Variants in PSMD12 observed in about 807,000 individuals in gnomAD.
PSMD12 encodes proteasome 26S subunit, non-ATPase 12.
In PSMD12, 8 loss-of-function variants were observed where a neutral mutation model predicts 62.9. The observed-to-expected ratio is 0.13, with a 90% CI of 0.07 to 0.23. The LOEUF (loss-of-function observed/expected upper bound fraction) is 0.23, where lower values mean the gene tolerates loss of function less well. Among genes scored for constraint, PSMD12 ranks in the 10% least tolerant of loss-of-function variants. PSMD12 has a pLI of 1.00. For synonymous variants in PSMD12, 173 were observed against 187.4 expected (o/e 0.92, Z 0.63); for missense variants, 424 against 550.2 (o/e 0.77, Z 2.29).
At chr17:67,348,450 G>A (rs1303723291) in intron 5 of PSMD12, 100 bp downstream of exon 5, 1 of 937,802 alleles carries the variant, frequency 1.1e-6, no homozygotes. Flanking sequence ...ATAATTATTG[G>A]TCCCAAACAT....
intron 1 of PSMD12, among the ~76,000 whole-genome samples, chr17:67,360,016 T>C (rs1374213289): frequency 6.6e-6 from 1 of 152,128 alleles, no homozygotes; most frequent in Non-Finnish European, 1.5e-5. Flanking sequence ...CAAAAGGAAA[T>C]GAGCAGCACT....
chr17:67,340,411 G>A lies in PSMD12; in HGVS notation c.*432C>T, dbSNP rs3935732. 77,877 of 154,184 alleles carry A rather than the reference G, an allele frequency of 0.51. 20,233 individuals carry two copies. The highest frequency in any genetic ancestry group is 0.57 in the Non-Finnish European group (39,792 of 69,660). 9.6% of individuals were successfully genotyped at this position (154,184 alleles called of 1,614,324 possible). A position where few individuals can be genotyped will look rare whatever the true frequency, so the allele number is the denominator to read the frequency against. ...TTTCTATTCTACTAAATGACTGATA[G>A]CTTTACAATGAGATTTGTTTTATTT... On this transcript the variant is annotated 3_prime_UTR_variant, in exon 11 of 11. Coordinates refer to ENST00000356126, the MANE Select transcript of PSMD12 (RefSeq NM_002816.5).
chr17:67,366,097 A>C (rs2042176161), intron 1 of PSMD12, among the ~76,000 whole-genome samples: 1 of 152,230 alleles, frequency 6.6e-6, no homozygotes, highest in South Asian at 2.1e-4. Context: ...AAGCGGCCTT[A>C]ACCCCTGGGA....
intron 3 of PSMD12, among the ~76,000 whole-genome samples, chr17:67,354,091 A>G (rs1217740606): frequency 6.6e-6 from 1 of 152,214 alleles, no homozygotes; most frequent in Admixed American, 6.5e-5. Context: ...CTTTACATAA[A>G]AATACGTTTC....
Position 67,353,363 on chromosome 17 carries a change from A to T in PSMD12, c.298-3027T>A, listed in dbSNP as rs1312016614. Among the ~76,000 whole-genome samples, 15 of 149,374 alleles carry T rather than the reference A, an allele frequency of 1.0e-4. No individual in the cohort carries two copies. The East Asian group carries it at 1.8e-3, about 18-fold the overall frequency. On this transcript the variant is annotated intron_variant, in intron 3 of 10. Coordinates refer to ENST00000356126, the MANE Select transcript of PSMD12 (RefSeq NM_002816.5). ...ACAGTCTCACTCTGTCGCCCAGGCT[A>T]GAGTGCGATCTTGGCTCACTGCAGC...
intron 1 of PSMD12, among the ~76,000 whole-genome samples, chr17:67,360,527 T>C (rs559416837): frequency 6.6e-6 from 1 of 152,326 alleles, no homozygotes; most frequent in Admixed American, 6.5e-5. Context: ...CCAATCTCAG[T>C]AGAATGCGAA....
Position 67,366,531 on chromosome 17 carries a change from G to A in PSMD12, c.-12C>T, listed in dbSNP as rs1220340140. ...CCGCCGTCCGCCATGGTCCCCGCCTGAGCGTCCCTTGCTGTCCCCCTGCTT... is the reference window on the plus strand; with the variant it reads ...CCGCCGTCCGCCATGGTCCCCGCCTAAGCGTCCCTTGCTGTCCCCCTGCTT... On this transcript the variant is annotated 5_prime_UTR_variant, in exon 1 of 11. Coordinates refer to ENST00000356126, the MANE Select transcript of PSMD12 (RefSeq NM_002816.5). 2 of 1,596,660 alleles carry A rather than the reference G, an allele frequency of 1.3e-6. No individual in the cohort carries two copies. The highest frequency in any genetic ancestry group is 1.1e-5 in the South Asian group (1 of 90,468).
chr17:67,345,626 T>C (rs1050836034), intron 8 of PSMD12, 119 bp downstream of exon 8: 8 of 783,780 alleles, frequency 1.0e-5, no homozygotes, highest in Admixed American at 9.5e-5. Context: ...TGGGCAACAA[T>C]AGTAAAACTC....
intron 8 of PSMD12, chr17:67,345,526 C>T (rs1402988082): frequency 2.9e-5 from 13 of 451,344 alleles, no homozygotes; most frequent in South Asian, 1.4e-4. Context: ...CCTGTAATCC[C>T]GGCTACTCGG....
intron 3 of PSMD12, among the ~76,000 whole-genome samples, chr17:67,355,593 C>T (rs539244466): frequency 2.6e-4 from 40 of 152,180 alleles, no homozygotes; most frequent in Admixed American, 5.2e-4. Context: ...TTTTACAATG[C>T]CATTGTCTTT....
rs2041880600 is a variant in PSMD12 at position 67,338,548 on chromosome 17, T to C, written c.*2295A>G. On this transcript the variant is annotated 3_prime_UTR_variant, in exon 11 of 11. Transcript: ENST00000356126. ...ATCATAATACACAAAGAGCCTAGTG[T>C]GTGTTAAAGAAAGACGAAAGAGGAG... 1 of 152,170 alleles carries C rather than the reference T, an allele frequency of 6.6e-6. No individual in the cohort carries two copies. The highest frequency in any genetic ancestry group is 1.5e-5 in the Non-Finnish European group (1 of 68,034). The allele number at this position is 152,170 out of a possible 1,614,324, so 9.4% of individuals were successfully genotyped here. A position where few individuals can be genotyped will look rare whatever the true frequency, so the allele number is the denominator to read the frequency against.
chr17:67,345,964 T>C (rs942083570), intron 7 of PSMD12, 107 bp from the exon 8 acceptor site: 1 of 1,065,274 alleles, frequency 9.4e-7, no homozygotes, highest in East Asian at 2.8e-5. Context: ...AATTTTAAAG[T>C]CTTGGCCGGG....
At chr17:67,346,612 G>C (rs2041969722) in intron 7 of PSMD12, among the ~76,000 whole-genome samples, 1 of 151,988 alleles carries the variant, frequency 6.6e-6, no homozygotes, top group East Asian at 1.9e-4. Context: ...GTCTTAAGGG[G>C]AAAAATATTG....
intron 3 of PSMD12, among the ~76,000 whole-genome samples, chr17:67,356,444 G>C (rs1050035174): frequency 2.4e-4 from 36 of 148,542 alleles, no homozygotes; most frequent in African/African-American, 8.1e-4. Context: ...TGTAGTCCCA[G>C]CTACTCGGGA....
At chr17:67,344,864 CA>C (rs1413303709) in intron 8 of PSMD12, 84 bp from the exon 9 acceptor site, 2 of 1,181,806 alleles carry the variant, frequency 1.7e-6, no homozygotes, top group African/African-American at 1.5e-5. Context: ...AAAAATTCAG[CA>C]AAGACTGTTT....
intron 5 of PSMD12, among the ~76,000 whole-genome samples, chr17:67,348,106 A>G (rs1053178878): frequency 6.6e-6 from 1 of 152,220 alleles, no homozygotes; most frequent in Non-Finnish European, 1.5e-5. Flanking sequence ...GGGTTTACGT[A>G]AACATAAGTT....
At chr17:67,342,097 A>T in intron 10 of PSMD12, 89 bp downstream of exon 10, 5 of 1,018,310 alleles carry the variant, frequency 4.9e-6, no homozygotes, top group South Asian at 4.4e-5. Context: ...CATAAAATTA[A>T]ATCATAACAT....
rs1428035181 is a variant in PSMD12 at position 67,344,737 on chromosome 17, A to T, written c.952T>A (p.Ser318Thr). Residue 318 changes from serine (S) to threonine (T), a missense_variant, in exon 9 of 11, where the codon TCC becomes ACC. Coordinates refer to ENST00000356126, the MANE Select transcript of PSMD12 (RefSeq NM_002816.5). Reference sequence around the variant, plus strand: ...ATTCCATAGTCCTCAACAAGTGTGGACCAACGCATCAACTCCATTGTGGTA... The same window carrying T: ...ATTCCATAGTCCTCAACAAGTGTGGTCCAACGCATCAACTCCATTGTGGTA... ...LFTTMELMRW[S>T]TLVEDYGMEL... The T allele has an allele frequency of 6.2e-7, 1 of 1,610,340 alleles. No individual in the cohort carries two copies.
chr17:67,364,157 G>A (rs1022169088), intron 1 of PSMD12, among the ~76,000 whole-genome samples: 1 of 151,696 alleles, frequency 6.6e-6, no homozygotes, highest in Admixed American at 6.6e-5. Context: ...AAACTGGCTC[G>A]GTATCAAAAA....
Sources: allele counts gnomAD v4.1 joint callset (sites outside exome capture counted in the v4.1 genomes callset), GRCh38; gene constraint gnomAD v4.1.1; transcripts MANE v1.5; gene names NCBI Gene and HGNC (gene_info 2026-07-23, HGNC 2026-07-21).